The following LNPK variants were observed in gnomAD, a reference collection of about 807,000 sequenced individuals.
LNPK encodes the protein endoplasmic reticulum junction formation protein lunapark.
A neutral mutation model predicts 55.2 loss-of-function variants in LNPK; 29 were observed. That is an observed-to-expected ratio of 0.53 (90% CI 0.39 to 0.72). LNPK has a LOEUF of 0.72. LNPK is among the 30% of genes least tolerant of loss of function. The pLI, the probability that LNPK is intolerant of heterozygous loss-of-function variation, is 0.00. For missense variants in LNPK, 467 were observed against 494.8 expected, an observed-to-expected ratio of 0.94 and a Z score of 0.53; for synonymous variants, 162 against 168.2, an observed-to-expected ratio of 0.96 and a Z score of 0.29.
chr2:175,958,336 G>A lies in LNPK; in HGVS notation c.493+6036C>T, dbSNP rs539651755. Among the ~76,000 whole-genome samples the A allele has an allele frequency of 8.5e-5, 13 of 152,270 alleles. No individual in the cohort carries two copies. The South Asian group carries it at 1.2e-3, about 15-fold the overall frequency. On this transcript the variant is annotated intron_variant, in intron 8 of 12. Coordinates refer to ENST00000272748, the MANE Select transcript of LNPK (RefSeq NM_030650.3). ...GGGTCGACCGACACCTTATACAGCC[G>A]GGTGCCCCTCTGGGACGAAGCGTCC...
chr2:175,945,854 CA>C (rs1285586565), intron 9 of LNPK, among the ~76,000 whole-genome samples: 1 of 152,096 alleles, frequency 6.6e-6, no homozygotes, highest in African/African-American at 2.4e-5. Context: ...ACATCAAAAG[CA>C]ATCATTGTAG....
chr2:175,984,264 C>T (rs756220643), intron 4 of LNPK, among the ~76,000 whole-genome samples: 4 of 151,860 alleles, frequency 2.6e-5, no homozygotes, highest in African/African-American at 7.3e-5. Flanking sequence ...CTGAAACCTC[C>T]GCCTCCTGGG....
At chr2:175,990,822 T>C (rs557265667) in intron 4 of LNPK, among the ~76,000 whole-genome samples, 11 of 151,802 alleles carry the variant, frequency 7.2e-5, no homozygotes, top group Non-Finnish European at 1.3e-4. Context: ...TGAGATGAAG[T>C]GAAAAATGGC....
chr2:175,930,131 G>T lies in LNPK; in HGVS notation c.1123C>A (p.Gln375Lys), dbSNP rs1385489203. 1.9e-6 allele frequency: 3 copies of T among 1,613,624 alleles called. No individual in the cohort carries two copies. The highest frequency in any genetic ancestry group is 2.5e-6 in the Non-Finnish European group (3 of 1,179,676). Residue 375 changes from glutamine (Q) to lysine (K), a missense_variant, in exon 13 of 13, where the codon CAG becomes AAG. Gln to Lys is a moderately conservative substitution (Grantham distance 53). Coordinates refer to ENST00000272748, the MANE Select transcript of LNPK (RefSeq NM_030650.3). ...QTDDKIPATE[Q>K]TNQVIEKASD... is the part of the protein sequence containing the mutation. ...GCTTTTTCAATCACTTGGTTTGTCTGTTCTGTAGCTGGTATTTTGTCATCT... is the reference window on the plus strand; with the variant it reads ...GCTTTTTCAATCACTTGGTTTGTCTTTTCTGTAGCTGGTATTTTGTCATCT...
intron 4 of LNPK, among the ~76,000 whole-genome samples, chr2:175,985,649 C>A (rs1258942445): frequency 6.6e-6 from 1 of 152,084 alleles, no homozygotes; most frequent in Non-Finnish European, 1.5e-5. Flanking sequence ...ATGCCTGAAA[C>A]CATGGACAGT....
rs1398747960 is a variant in LNPK at position 175,927,468 on chromosome 2, G to C, written c.*2499C>G. The C allele has an allele frequency of 6.6e-6, 1 of 152,232 alleles. No homozygotes were observed. The highest frequency in any genetic ancestry group is 1.9e-4 in the East Asian group (1 of 5,180). 9.4% of individuals were successfully genotyped at this position (152,232 alleles called of 1,614,324 possible). On this transcript the variant is annotated 3_prime_UTR_variant, in exon 13 of 13. Coordinates refer to ENST00000272748, the MANE Select transcript of LNPK (RefSeq NM_030650.3). ...AGGCCAGCTTCAGATGGGGAGTTTG[G>C]GAAGGCATCTCTCTGAGGAGGCAAA...
rs1686413596 is a variant in LNPK, at chr2:175,967,270, TAG to T, written c.358-2683_358-2682del. Among the ~76,000 whole-genome samples, 4 of 152,318 alleles carry T rather than the reference TAG, an allele frequency of 2.6e-5. 1 individual carries two copies. The South Asian group carries it at 8.3e-4, about 32-fold the overall frequency. Reference sequence around the variant, plus strand: ...TTAGGGGCTTTTTTATTTTAAAAGATAGAATAATAAATACATGATTCTATTAA... The same window carrying T: ...TTAGGGGCTTTTTTATTTTAAAAGATAATAATAAATACATGATTCTATTAA... On this transcript the variant is annotated intron_variant, in intron 6 of 12. Transcript: ENST00000272748.
Position 175,927,256 on chromosome 2 carries a change from G to GT in LNPK, c.*2710dup, listed in dbSNP as rs1316453114. The GT allele has an allele frequency of 6.6e-6, 1 of 152,234 alleles. No homozygotes were observed. Among genetic ancestry groups the GT allele is most frequent in the Non-Finnish European group, 1.5e-5 (1 of 68,044 alleles). 9.4% of individuals were successfully genotyped at this position (152,234 alleles called of 1,614,324 possible). On this transcript the variant is annotated 3_prime_UTR_variant, in exon 13 of 13. Transcript: ENST00000272748. Reference sequence around the variant, plus strand: ...AGTTTTCACTGGATTTGGCAACAAAGTATTTATTCACACAATATGCATCAA... The same window carrying GT: ...AGTTTTCACTGGATTTGGCAACAAAGTTATTTATTCACACAATATGCATCAA...
At chr2:175,977,724 A>C (rs749355771) in intron 5 of LNPK, among the ~76,000 whole-genome samples, 4 of 152,198 alleles carry the variant, frequency 2.6e-5, no homozygotes, top group Non-Finnish European at 5.9e-5. Flanking sequence ...TATGTTGAGA[A>C]GGAATAGGTG....
At chr2:175,959,760 G>C (rs1685909663) in intron 8 of LNPK, among the ~76,000 whole-genome samples, 1 of 152,052 alleles carries the variant, frequency 6.6e-6, no homozygotes, top group African/African-American at 2.4e-5. Context: ...AAAAGACACA[G>C]ACTGGCAAAC....
intron 1 of LNPK, among the ~76,000 whole-genome samples, chr2:175,998,609 T>C (rs1688048535): frequency 6.6e-6 from 1 of 152,138 alleles, no homozygotes; most frequent in South Asian, 2.1e-4. Flanking sequence ...ATATGTAAAA[T>C]ATATGAAACC....
rs1238723523 is a variant in LNPK at position 175,924,458 on chromosome 2, T to C, written c.*5509A>G. On this transcript the variant is annotated 3_prime_UTR_variant, in exon 13 of 13. Transcript: ENST00000272748. ...GACTTATAAGGTCTTATTTTTTAAATGAAACTTTATGTAACCTTCAGGTTG... is the reference window on the plus strand; with the variant it reads ...GACTTATAAGGTCTTATTTTTTAAACGAAACTTTATGTAACCTTCAGGTTG... 6.6e-6 allele frequency: 1 copy of C among 152,188 alleles called. No individual in the cohort carries two copies. Among genetic ancestry groups the C allele is most frequent in the African/African-American group, 2.4e-5 (1 of 41,466 alleles). 9.4% of individuals were successfully genotyped at this position (152,188 alleles called of 1,614,324 possible).
intron 4 of LNPK, 77 bp downstream of exon 4, chr2:175,992,154 G>T: frequency 1.1e-6 from 1 of 888,898 alleles, no homozygotes; most frequent in Non-Finnish European, 1.7e-6. Flanking sequence ...TAAAGAGACC[G>T]AATATACATA....
intron 12 of LNPK, among the ~76,000 whole-genome samples, chr2:175,930,887 T>A (rs1172579116): frequency 6.6e-6 from 1 of 152,180 alleles, no homozygotes; most frequent in East Asian, 1.9e-4. Context: ...TTTAATCCCA[T>A]CTCCATAGCA....
chr2:175,924,800 A>C lies in LNPK; in HGVS notation c.*5167T>G, dbSNP rs985180156. 6.6e-6 allele frequency: 1 copy of C among 152,594 alleles called. No individual in the cohort carries two copies. Among genetic ancestry groups the C allele is most frequent in the African/African-American group, 2.4e-5 (1 of 41,398 alleles). The allele number at this position is 152,594 out of a possible 1,614,324, so 9.5% of individuals were successfully genotyped here. On this transcript the variant is annotated 3_prime_UTR_variant, in exon 13 of 13. Coordinates refer to ENST00000272748, the MANE Select transcript of LNPK (RefSeq NM_030650.3). ...TGGCTTCTGGTGAGAGCCTCAGACC[A>C]CTCATGGCAGAAAGCAAAGGGGAGC... is the stretch of plus-strand genomic sequence containing the variant.
chr2:175,972,916 G>T (rs1002899147), intron 5 of LNPK, among the ~76,000 whole-genome samples: 1 of 152,140 alleles, frequency 6.6e-6, no homozygotes, highest in South Asian at 2.1e-4. Flanking sequence ...TAGAAACACA[G>T]AAATTTCCTT....
In LNPK at chr2:175,930,228, G is replaced by T. The variant is rs372938629; in HGVS notation, c.1055-29C>A. 1.4e-5 allele frequency: 22 copies of T among 1,568,088 alleles called. No homozygotes were observed. In the African/African-American group the frequency reaches 2.6e-4, roughly 19 times the overall value. On this transcript the variant is annotated intron_variant, in intron 12 of 12. Transcript: ENST00000272748. ...AAAAGATAAAGATTCAAAACTTTAG[G>T]AATACCTGAACGTTAAAACTGCTAA...
chr2:175,934,968 A>ACC (rs1684469754), intron 12 of LNPK, among the ~76,000 whole-genome samples: 1 of 152,138 alleles, frequency 6.6e-6, no homozygotes, highest in East Asian at 1.9e-4. Context: ...ATGTTTTTCT[A>ACC]AAGAGCGGTC....
chr2:175,983,284 G>A (rs1687258459), intron 4 of LNPK, among the ~76,000 whole-genome samples: 1 of 152,166 alleles, frequency 6.6e-6, no homozygotes, highest in African/African-American at 2.4e-5. Context: ...ATGGCAAGGG[G>A]GTTGGGGGGA....
Sources: allele counts gnomAD v4.1 joint callset (sites outside exome capture counted in the v4.1 genomes callset), GRCh38; gene constraint gnomAD v4.1.1; transcripts MANE v1.5; gene names NCBI Gene and HGNC (gene_info 2026-07-23, HGNC 2026-07-21).